MCTP1: variants seen among roughly 807,000 people sequenced by gnomAD.
The protein encoded by MCTP1 is multiple C2 and transmembrane domain containing 1.
MCTP1 carries 69 observed loss-of-function variants against 120.6 expected under a neutral mutation model. The observed-to-expected ratio is 0.57, with a 90% CI of 0.47 to 0.70. The LOEUF (loss-of-function observed/expected upper bound fraction) is 0.70. Among genes scored for constraint, MCTP1 ranks in the 30% least tolerant of loss-of-function variants. The pLI, the probability that MCTP1 is intolerant of heterozygous loss-of-function variation, is 0.00. For missense variants in MCTP1, 1,203 were observed against 1,248.8 expected (o/e 0.96, Z 0.55); for synonymous variants, 529 against 493.1 (o/e 1.07, Z -0.96).
At position 95,284,498 on chromosome 5, in the gene MCTP1, C is replaced by T. The variant is rs903819293; in HGVS notation, c.78G>A (p.Lys26=). The part of the protein sequence containing the change: ...ASSSFQARLW[K]NLQLGVGRSK... ...TCCTGCCCACCCCCAGCTGCAGGTTCTTCCAGAGCCGGGCCTGGAAGGAGG... is the reference window on the plus strand; with the variant it reads ...TCCTGCCCACCCCCAGCTGCAGGTTTTTCCAGAGCCGGGCCTGGAAGGAGG... Residue 26 remains lysine (K), a synonymous_variant, in exon 1 of 23, where the codon AAG becomes AAA. Coordinates refer to ENST00000515393, the MANE Select transcript of MCTP1 (RefSeq NM_024717.7). The surrounding 1 kb of genome is among the most constrained non-coding windows in gnomAD (Gnocchi z 5.2). 6.6e-7 allele frequency: 1 copy of T among 1,504,932 alleles called. No individual in the cohort carries two copies. The highest frequency in any genetic ancestry group is 8.8e-7 in the Non-Finnish European group (1 of 1,132,754). 93.2% of individuals were successfully genotyped at this position (1,504,932 alleles called of 1,614,324 possible).
At position 94,997,748 on chromosome 5, in the gene MCTP1, G is replaced by A. The variant is rs562946385; in HGVS notation, c.838+19619C>T. On this transcript the variant is annotated intron_variant, in intron 2 of 22. Transcript: ENST00000515393. ...CACAGTTCACAGTAGAGGTAACTGA[G>A]CAGTTTTTATTTATGTATTTTTTCA... Among the ~76,000 whole-genome samples, 72 of 152,238 alleles carry A rather than the reference G, an allele frequency of 4.7e-4. No homozygotes were observed. In the South Asian group the frequency reaches 6.6e-3, roughly 14 times the overall value.
chr5:94,912,819 T>C lies in MCTP1; in HGVS notation c.1508A>G (p.Lys503Arg), dbSNP rs576504944. The C allele has an allele frequency of 6.3e-7, 1 of 1,574,974 alleles. No individual in the cohort carries two copies. Among genetic ancestry groups the C allele is most frequent in the African/African-American group, 1.4e-5 (1 of 72,602 alleles). Reference sequence around the variant, plus strand: ...AGACAAGGTTACCTTGCTCTTGTACTTCTGATGCCCAAGCCGGAACTTCAC... The same window carrying C: ...AGACAAGGTTACCTTGCTCTTGTACCTCTGATGCCCAAGCCGGAACTTCAC... Reference protein sequence around the residue: ...PYVKFRLGHQKYKSKIMPKTL... With the variant: ...PYVKFRLGHQRYKSKIMPKTL... Residue 503 changes from lysine (K) to arginine (R), a missense_variant, in exon 9 of 23, where the codon AAG becomes AGG. Transcript: ENST00000515393.
chr5:94,999,625 C>T (rs1833280102), intron 2 of MCTP1, among the ~76,000 whole-genome samples: 1 of 152,128 alleles, frequency 6.6e-6, no homozygotes, highest in African/African-American at 2.4e-5. Flanking sequence ...CTCTTTTCCA[C>T]TTCAGCATAA....
intron 16 of MCTP1, 143 bp from the exon 17 acceptor site, chr5:94,868,595 A>G (rs1046792809): frequency 5.8e-6 from 3 of 514,126 alleles, no homozygotes; most frequent in African/African-American, 4.0e-5. Context: ...AATTTGGCTC[A>G]CAAGTTAAAG....
intron 17 of MCTP1, among the ~76,000 whole-genome samples, chr5:94,823,588 A>T (rs1026784947): frequency 2.0e-5 from 3 of 152,164 alleles, no homozygotes; most frequent in Admixed American, 6.5e-5. Flanking sequence ...AAGAAAGTCA[A>T]TGGTAGCTTG....
chr5:95,012,643 T>C (rs888583574), intron 2 of MCTP1, among the ~76,000 whole-genome samples: 1 of 152,144 alleles, frequency 6.6e-6, no homozygotes, highest in African/African-American at 2.4e-5. Flanking sequence ...GATCTGTGAT[T>C]AGTGATCTTT....
chr5:94,754,665 G>T (rs1026325333), intron 19 of MCTP1, among the ~76,000 whole-genome samples: 2 of 151,610 alleles, frequency 1.3e-5, no homozygotes, highest in African/African-American at 4.9e-5. Flanking sequence ...GCCAAAGTAC[G>T]TTTAACTTTA....
chr5:95,237,462 C>T (rs1392669199), intron 1 of MCTP1, among the ~76,000 whole-genome samples: 1 of 152,190 alleles, frequency 6.6e-6, no homozygotes, highest in Non-Finnish European at 1.5e-5. Context: ...TTAAGAACTG[C>T]TTCAGTTCCT....
intron 3 of MCTP1, among the ~76,000 whole-genome samples, chr5:94,948,607 C>T (rs184298995): frequency 5.1e-4 from 77 of 152,190 alleles, no homozygotes; most frequent in African/African-American, 1.6e-3. Context: ...TGGCTGGAAA[C>T]GTTATTCCCA....
chr5:94,717,074 C>T (rs889375457), intron 19 of MCTP1, among the ~76,000 whole-genome samples: 13 of 152,064 alleles, frequency 8.5e-5, no homozygotes, highest in African/African-American at 3.1e-4. Flanking sequence ...CTAAAATAGA[C>T]ATTCACATCT....
intron 1 of MCTP1, among the ~76,000 whole-genome samples, chr5:95,160,934 A>G (rs994369705): frequency 1.3e-5 from 2 of 152,194 alleles, no homozygotes; most frequent in African/African-American, 4.8e-5. Context: ...TCAAAAAGAA[A>G]AAGGATAGCA....
chr5:95,001,104 C>G lies in MCTP1; in HGVS notation c.838+16263G>C, dbSNP rs145259404. ...GCATCTGGCATTTCTCCTGCTGGCA[C>G]TCATTTTCTCTCCTGCCACCCTGCA... On this transcript the variant is annotated intron_variant, in intron 2 of 22. Transcript: ENST00000515393. Among the ~76,000 whole-genome samples the G allele has an allele frequency of 6.6e-3, 1,007 of 152,328 alleles. 7 individuals carry two copies. The highest frequency in any genetic ancestry group is 0.014 in the Middle Eastern group (4 of 294).
At chr5:95,046,749 G>T (rs965677139) in intron 1 of MCTP1, among the ~76,000 whole-genome samples, 1 of 151,898 alleles carries the variant, frequency 6.6e-6, no homozygotes, top group South Asian at 2.1e-4. Flanking sequence ...ATACCATATC[G>T]ACACCCACCT....
At chr5:94,860,449 G>A (rs111347211) in intron 17 of MCTP1, among the ~76,000 whole-genome samples, 1 of 151,794 alleles carries the variant, frequency 6.6e-6, no homozygotes, top group African/African-American at 2.4e-5. Context: ...ATATGGGTTT[G>A]CATAAGAGAG....
At chr5:94,876,392 T>A (rs1399209981) in intron 12 of MCTP1, among the ~76,000 whole-genome samples, 1 of 152,080 alleles carries the variant, frequency 6.6e-6, no homozygotes, top group Admixed American at 6.6e-5. Flanking sequence ...GTCTCTAAAG[T>A]GCACTATATT....
intron 2 of MCTP1, among the ~76,000 whole-genome samples, chr5:94,980,021 G>A (rs1829049909): frequency 2.0e-5 from 3 of 152,018 alleles, no homozygotes; most frequent in South Asian, 4.1e-4. Context: ...AATTCAACTT[G>A]TGAAATATCA....
chr5:95,035,887 A>G (rs1841209002), intron 1 of MCTP1, among the ~76,000 whole-genome samples: 1 of 152,132 alleles, frequency 6.6e-6, no homozygotes, highest in Non-Finnish European at 1.5e-5. Context: ...GACATTAGAA[A>G]GAAGATAACA....
chr5:95,248,028 T>C (rs1213150905), intron 1 of MCTP1, among the ~76,000 whole-genome samples: 1 of 152,176 alleles, frequency 6.6e-6, no homozygotes, highest in Non-Finnish European at 1.5e-5. Flanking sequence ...TATCTCAAAA[T>C]AATAAGAGCT....
chr5:95,204,614 A>G (rs1652272627), intron 1 of MCTP1, among the ~76,000 whole-genome samples: 1 of 152,208 alleles, frequency 6.6e-6, no homozygotes, highest in African/African-American at 2.4e-5. Context: ...ATGGTCTTGA[A>G]TATAGAAAAC....
Sources: allele counts gnomAD v4.1 joint callset (sites outside exome capture counted in the v4.1 genomes callset), GRCh38; gene constraint gnomAD v4.1.1; non-coding constraint Gnocchi (gnomAD v3.1); transcripts MANE v1.5; gene names NCBI Gene and HGNC (gene_info 2026-07-23, HGNC 2026-07-21).